ASB18: variants seen among roughly 807,000 people sequenced by gnomAD.
ASB18 encodes ankyrin repeat and SOCS box protein 18.
ASB18 carries 33 observed loss-of-function variants against 33.4 expected under a neutral mutation model. That is an observed-to-expected ratio of 0.99 (90% CI 0.75 to 1.32). The LOEUF is 1.32. ASB18 is among the 40% of genes most tolerant of loss of function. ASB18 has a pLI of 0.00. For missense variants in ASB18, 694 were observed against 655.5 expected (o/e 1.06, Z -0.64); for synonymous variants, 295 against 307.6 (o/e 0.96, Z 0.43).
At chr2:236,224,638 G>A (rs1283627117) in intron 3 of ASB18, among the ~76,000 whole-genome samples, 1 of 152,216 alleles carries the variant, frequency 6.6e-6, no homozygotes, top group Non-Finnish European at 1.5e-5. Flanking sequence ...TGGCTCTACT[G>A]GTTTCCGTTC....
rs1048465192 is a variant in ASB18 at position 236,217,791 on chromosome 2, A to G, written c.597-2925T>C. Among the ~76,000 whole-genome samples the G allele has an allele frequency of 6.6e-6, 1 of 152,180 alleles. No individual in the cohort carries two copies. Among genetic ancestry groups the G allele is most frequent in the Non-Finnish European group, 1.5e-5 (1 of 68,032 alleles). ...TCTTGAGTGAAAGATCTTTACAAACAAGTACAGTTTGATGTGGAGTCCTTT... is the reference window on the plus strand; with the variant it reads ...TCTTGAGTGAAAGATCTTTACAAACGAGTACAGTTTGATGTGGAGTCCTTT... On this transcript the variant is annotated intron_variant, in intron 3 of 5. Coordinates refer to ENST00000409749, the MANE Select transcript of ASB18 (RefSeq NM_212556.4). This position sits in a 1 kb window ranked among gnomAD's most constrained non-coding sequence, Gnocchi z 5.2.
In ASB18 at chr2:236,257,178, TTG is replaced by T. The variant is rs2060696380; in HGVS notation, c.205+6961_205+6962del. ...TTAATTAAGAAGATGGGACAATAAT[TTG>T]TGCATAATTCCGGATCTTTTCCTGG... On this transcript the variant is annotated intron_variant, in intron 1 of 5. Coordinates refer to ENST00000409749, the MANE Select transcript of ASB18 (RefSeq NM_212556.4). The surrounding 1 kb of genome is among the most constrained non-coding windows in gnomAD (Gnocchi z 5.5). Among the ~76,000 whole-genome samples, 3 of 152,350 alleles carry T rather than the reference TTG, an allele frequency of 2.0e-5. No homozygotes were observed. The South Asian group carries it at 6.2e-4, about 32-fold the overall frequency.
rs576203488 is a variant in ASB18, at chr2:236,257,711, C to G, written c.205+6430G>C. On this transcript the variant is annotated intron_variant, in intron 1 of 5. Transcript: ENST00000409749. This position sits in a 1 kb window ranked among gnomAD's most constrained non-coding sequence, Gnocchi z 5.5. ...GAAGCATACCTGCTCCTGCTCTGCT[C>G]CTAACTGGCTGTTGACCAGCAAGTG... Among the ~76,000 whole-genome samples, 2 of 152,326 alleles carry G rather than the reference C, an allele frequency of 1.3e-5. No individual in the cohort carries two copies. Among genetic ancestry groups the G allele is most frequent in the South Asian group, 4.1e-4 (2 of 4,828 alleles).
In ASB18 at chr2:236,264,075, A is replaced by G; in HGVS notation, c.205+66T>C. 1.4e-6 allele frequency: 2 copies of G among 1,445,636 alleles called. No homozygotes were observed. The highest frequency in any genetic ancestry group is 1.9e-6 in the Non-Finnish European group (2 of 1,041,484). 89.6% of individuals were successfully genotyped at this position (1,445,636 alleles called of 1,614,324 possible). ...AAACATTTGCCCCTCTACCTCCAGG[A>G]TCTGCCCACCCCATCAGTGTAACTT... On this transcript the variant is annotated intron_variant, in intron 1 of 5. Coordinates refer to ENST00000409749, the MANE Select transcript of ASB18 (RefSeq NM_212556.4). The surrounding 1 kb of genome is among the most constrained non-coding windows in gnomAD (Gnocchi z 5.1).
chr2:236,216,032 G>C lies in ASB18; in HGVS notation c.597-1166C>G, dbSNP rs899407206. Among the ~76,000 whole-genome samples, 19 of 152,224 alleles carry C rather than the reference G, an allele frequency of 1.2e-4. 1 individual carries two copies. Among genetic ancestry groups the C allele is most frequent in the Middle Eastern group, 6.8e-3 (2 of 294 alleles). ...CAGCACTGTGGTCACCTCGTCATCT[G>C]CATCCTCAGTTCCCTTGAATGGAGG... On this transcript the variant is annotated intron_variant, in intron 3 of 5. Transcript: ENST00000409749. The surrounding 1 kb of genome is among the most constrained non-coding windows in gnomAD (Gnocchi z 6.1).
chr2:236,208,207 C>G lies in ASB18; in HGVS notation c.1101+6155G>C, dbSNP rs996156892. Among the ~76,000 whole-genome samples the G allele has an allele frequency of 6.6e-6, 1 of 152,130 alleles. No individual in the cohort carries two copies. The highest frequency in any genetic ancestry group is 2.4e-5 in the African/African-American group (1 of 41,428). ...GAGAAACCAAGCCACAGAGGGAGTG[C>G]CTGGCAGGAGGCCTGGGGCCAGCAC... On this transcript the variant is annotated intron_variant, in intron 4 of 5. Coordinates refer to ENST00000409749, the MANE Select transcript of ASB18 (RefSeq NM_212556.4). The surrounding 1 kb of genome is among the most constrained non-coding windows in gnomAD (Gnocchi z 7.7).
In ASB18 at chr2:236,237,343, CG is replaced by C. The variant is rs2060597225; in HGVS notation, c.596+345del. Among the ~76,000 whole-genome samples the C allele has an allele frequency of 5.8e-4, 32 of 54,716 alleles. No homozygotes were observed. Among genetic ancestry groups the C allele is most frequent in the Admixed American group, 7.2e-4 (3 of 4,150 alleles). 35.9% of individuals were successfully genotyped at this position (54,716 alleles called of 152,430 possible). ...AAGCGCTAATTAAACCCGCGGGGGC[CG>C]GGGCCGGGGCGCGGGGCGGGGGCCG... On this transcript the variant is annotated intron_variant, in intron 3 of 5. Coordinates refer to ENST00000409749, the MANE Select transcript of ASB18 (RefSeq NM_212556.4). The surrounding 1 kb of genome is among the most constrained non-coding windows in gnomAD (Gnocchi z 6.2).
Position 236,216,444 on chromosome 2 carries a change from T to G in ASB18, c.597-1578A>C, listed in dbSNP as rs1450325112. On this transcript the variant is annotated intron_variant, in intron 3 of 5. Coordinates refer to ENST00000409749, the MANE Select transcript of ASB18 (RefSeq NM_212556.4). This position sits in a 1 kb window ranked among gnomAD's most constrained non-coding sequence, Gnocchi z 6.1. ...CTGTTGCCTCCCTCTTCCCCAGGCC[T>G]AAGGAAGGCACTCCCTCTTGATCAT... Among the ~76,000 whole-genome samples the G allele has an allele frequency of 1.3e-5, 2 of 152,104 alleles. No individual in the cohort carries two copies. Among genetic ancestry groups the G allele is most frequent in the East Asian group, 3.9e-4 (2 of 5,190 alleles).
chr2:236,261,646 T>C (rs983779893), intron 1 of ASB18, among the ~76,000 whole-genome samples: 6 of 152,224 alleles, frequency 3.9e-5, no homozygotes, highest in Non-Finnish European at 7.3e-5. Context: ...CAGTGCTGAA[T>C]CATTAGGTAG....
At chr2:236,230,246 C>T (rs13390047) in intron 3 of ASB18, among the ~76,000 whole-genome samples, 1 of 151,550 alleles carries the variant, frequency 6.6e-6, no homozygotes, top group Admixed American at 6.6e-5. Flanking sequence ...TCATAATGCT[C>T]TACCCAGCAA....
rs557880655 is a variant in ASB18 at position 236,209,012 on chromosome 2, T to G, written c.1101+5350A>C. On this transcript the variant is annotated intron_variant, in intron 4 of 5. Transcript: ENST00000409749. The surrounding 1 kb of genome is among the most constrained non-coding windows in gnomAD (Gnocchi z 4.4). The stretch of plus-strand genomic sequence containing the variant: ...AAGAAAAACACAGGCGCCCTACTTA[T>G]GATCTCCCCTCTCTCCTCCCACTGG... 2.6e-5 allele frequency among the ~76,000 whole-genome samples: 4 copies of G among 152,032 alleles called. No homozygotes were observed. The highest frequency in any genetic ancestry group is 7.2e-5 in the African/African-American group (3 of 41,398).
chr2:236,215,004 A>T lies in ASB18; in HGVS notation c.597-138T>A. 8 of 375,176 alleles carry T rather than the reference A, an allele frequency of 2.1e-5. No individual in the cohort carries two copies. The highest frequency in any genetic ancestry group is 3.3e-5 in the Non-Finnish European group (8 of 244,140). 23.2% of individuals were successfully genotyped at this position (375,176 alleles called of 1,614,324 possible). ...CGCTCTCCCATACCAAGGCGTCAGG[A>T]GTTCAAACTAAACTGGAAAAAAAAA... is the stretch of plus-strand genomic sequence containing the variant. On this transcript the variant is annotated intron_variant, in intron 3 of 5. Transcript: ENST00000409749. The surrounding 1 kb of genome is among the most constrained non-coding windows in gnomAD (Gnocchi z 7.2).
rs1020560358 is a variant in ASB18, at chr2:236,244,262, G to A, written c.206-2860C>T. ...CAAACTATATGAGCAGAGGCTGGAG[G>A]GAGGTGAAAGGGTCAGGAGGGCTTT... On this transcript the variant is annotated intron_variant, in intron 1 of 5. Coordinates refer to ENST00000409749, the MANE Select transcript of ASB18 (RefSeq NM_212556.4). This position sits in a 1 kb window ranked among gnomAD's most constrained non-coding sequence, Gnocchi z 6.1. Among the ~76,000 whole-genome samples the A allele has an allele frequency of 6.6e-6, 1 of 152,248 alleles. No individual in the cohort carries two copies. Among genetic ancestry groups the A allele is most frequent in the Non-Finnish European group, 1.5e-5 (1 of 68,050 alleles).
At chr2:236,218,414 G>A (rs888589577) in intron 3 of ASB18, among the ~76,000 whole-genome samples, 1 of 152,184 alleles carries the variant, frequency 6.6e-6, no homozygotes, top group Non-Finnish European at 1.5e-5. Context: ...AAATACATTT[G>A]CAGTGGATGT....
At position 236,234,915 on chromosome 2, in the gene ASB18, A is replaced by C. The variant is rs559192533; in HGVS notation, c.596+2774T>G. Among the ~76,000 whole-genome samples, 25 of 152,304 alleles carry C rather than the reference A, an allele frequency of 1.6e-4. 1 individual carries two copies. In the South Asian group the frequency reaches 5.2e-3, roughly 32 times the overall value. On this transcript the variant is annotated intron_variant, in intron 3 of 5. Coordinates refer to ENST00000409749, the MANE Select transcript of ASB18 (RefSeq NM_212556.4). This position sits in a 1 kb window ranked among gnomAD's most constrained non-coding sequence, Gnocchi z 4.1. ...TTTTTTAGATATCATAACCCAACCT[A>C]ATCCTTAAAAGAGAAAAAATGGATA...
Position 236,222,401 on chromosome 2 carries a change from G to C in ASB18, c.597-7535C>G, listed in dbSNP as rs1312485514. Among the ~76,000 whole-genome samples the C allele has an allele frequency of 1.3e-5, 2 of 152,162 alleles. No homozygotes were observed. The highest frequency in any genetic ancestry group is 2.9e-5 in the Non-Finnish European group (2 of 68,032). ...GAGCAATGGCTGCCAGCCATCTTAT[G>C]TTTTTCTGAAGTGTGGGATGATTGC... On this transcript the variant is annotated intron_variant, in intron 3 of 5. Coordinates refer to ENST00000409749, the MANE Select transcript of ASB18 (RefSeq NM_212556.4). This position sits in a 1 kb window ranked among gnomAD's most constrained non-coding sequence, Gnocchi z 5.5.
rs1352153674 is a variant in ASB18, at chr2:236,245,076, G to T, written c.206-3674C>A. Among the ~76,000 whole-genome samples, 2 of 152,174 alleles carry T rather than the reference G, an allele frequency of 1.3e-5. No homozygotes were observed. Among genetic ancestry groups the T allele is most frequent in the Non-Finnish European group, 2.9e-5 (2 of 68,028 alleles). On this transcript the variant is annotated intron_variant, in intron 1 of 5. Transcript: ENST00000409749. The surrounding 1 kb of genome is among the most constrained non-coding windows in gnomAD (Gnocchi z 4.7). ...AGCTGAGGGGCTCACATGGGTGAGA[G>T]TCAACCTCAGCTGGGTGTGGGGGGA...
chr2:236,197,183 C>G (rs535960176), intron 4 of ASB18, among the ~76,000 whole-genome samples: 1 of 151,868 alleles, frequency 6.6e-6, no homozygotes, highest in Non-Finnish European at 1.5e-5. Context: ...TTTATATGAC[C>G]CTTTGAAGAA....
chr2:236,260,332 T>C lies in ASB18; in HGVS notation c.205+3809A>G, dbSNP rs935363345. On this transcript the variant is annotated intron_variant, in intron 1 of 5. Transcript: ENST00000409749. This position sits in a 1 kb window ranked among gnomAD's most constrained non-coding sequence, Gnocchi z 5.1. ...TGCCCCCTCTCTTGGCCCAGCCCTGTTTTCCTGTGTTATCATTCCTTCCTC... is the reference window on the plus strand; with the variant it reads ...TGCCCCCTCTCTTGGCCCAGCCCTGCTTTCCTGTGTTATCATTCCTTCCTC... Among the ~76,000 whole-genome samples, 3 of 152,160 alleles carry C rather than the reference T, an allele frequency of 2.0e-5. No individual in the cohort carries two copies. Among genetic ancestry groups the C allele is most frequent in the Non-Finnish European group, 4.4e-5 (3 of 68,034 alleles).
Sources: gnomAD v4.1 joint callset for allele counts (sites outside exome capture counted in the v4.1 genomes callset) on GRCh38, gnomAD v4.1.1 for gene constraint, Gnocchi (gnomAD v3.1) non-coding constraint, MANE v1.5 for transcripts, NCBI Gene and HGNC (gene_info 2026-07-23, HGNC 2026-07-21) for gene names.